Variants in FBXO46 observed in about 807,000 individuals in gnomAD.
FBXO46 encodes F-box protein 46.
FBXO46 carries 13 observed loss-of-function variants against 30.7 expected under a neutral mutation model. The ratio of observed to expected loss-of-function variants is 0.42; its 90% CI spans 0.28 to 0.67. The LOEUF is 0.67. Among genes scored for constraint, FBXO46 ranks in the 30% least tolerant of loss-of-function variants. The pLI, the probability that FBXO46 is intolerant of heterozygous loss-of-function variation, is 0.21. For missense variants in FBXO46, 754 were observed against 871.5 expected (o/e 0.87, Z 1.70); for synonymous variants, 467 against 385.8 (o/e 1.21, Z -2.47).
intron 1 of FBXO46, among the ~76,000 whole-genome samples, chr19:45,723,875 G>A (rs1211700342): frequency 6.6e-6 from 1 of 151,714 alleles, no homozygotes; most frequent in Non-Finnish European, 1.5e-5. Context: ...GGCCAGGCTG[G>A]TCTTGAACTC....
At chr19:45,717,635 A>G (rs922407035) in intron 1 of FBXO46, among the ~76,000 whole-genome samples, 2 of 152,146 alleles carry the variant, frequency 1.3e-5, no homozygotes, top group Non-Finnish European at 2.9e-5. Flanking sequence ...ACTCCAGGGG[A>G]GGCTTATTAC....
rs138069984 is a variant in FBXO46 at position 45,720,068 on chromosome 19, C to T, written c.-78-6495G>A. On this transcript the variant is annotated intron_variant, in intron 1 of 1. Transcript: ENST00000317683. ...CACCCAGGCTGGAGTGCAATCTCGC[C>T]TCAACGCAGCCTCAATCTCCTGGGC... Among the ~76,000 whole-genome samples the T allele has an allele frequency of 9.1e-4, 139 of 151,928 alleles. 1 individual carries two copies. Among genetic ancestry groups the T allele is most frequent in the Non-Finnish European group, 6.0e-4 (41 of 67,978 alleles).
chr19:45,732,866 C>A (rs1423282398), upstream of FBXO46, among the ~76,000 whole-genome samples: 2 of 151,964 alleles, frequency 1.3e-5, no homozygotes, highest in Non-Finnish European at 2.9e-5. Flanking sequence ...AGGCCCAATT[C>A]AAATGGCCCT....
At chr19:45,718,538 T>A (rs909804750) in intron 1 of FBXO46, among the ~76,000 whole-genome samples, 12 of 152,138 alleles carry the variant, frequency 7.9e-5, no homozygotes, top group Non-Finnish European at 1.8e-4. Flanking sequence ...GGTCTCTGCA[T>A]TTGCTGTTCC....
At position 45,712,242 on chromosome 19, in the gene FBXO46, C is replaced by G. The variant is rs760895770; in HGVS notation, c.1254G>C (p.Gly418=). Residue 418 remains glycine (G), a synonymous_variant, in exon 2 of 2, where the codon GGG becomes GGC. Transcript: ENST00000317683. This position sits in a 1 kb window ranked among gnomAD's most constrained non-coding sequence, Gnocchi z 8.8. ...LFFLQNRGPD[G]PPEPPPADSP... ...AGTCGGCCGGGGGTGGCTCCGGGGGCCCGTCCGGCCCGCGGTTCTGGAGAA... is the reference window on the plus strand; with the variant it reads ...AGTCGGCCGGGGGTGGCTCCGGGGGGCCGTCCGGCCCGCGGTTCTGGAGAA... 6.2e-7 allele frequency: 1 copy of G among 1,604,290 alleles called. No individual in the cohort carries two copies.
chr19:45,731,670 G>A (rs1968315242), upstream of FBXO46, among the ~76,000 whole-genome samples: 1 of 151,880 alleles, frequency 6.6e-6, no homozygotes, highest in African/African-American at 2.4e-5. Flanking sequence ...GCCTTAGGAG[G>A]AAGGAAAGTC....
Position 45,722,754 on chromosome 19 carries a change from T to TAGA in FBXO46, c.-79+8094_-79+8095insTCT, listed in dbSNP as rs1422514397. On this transcript the variant is annotated intron_variant, in intron 1 of 1. Transcript: ENST00000317683. ...TCCAGCCTGGGCGACAGAGCCAGAC[T>TAGA]CCGTCTCAAAAAAAAAAAAAAGTGG... is the stretch of plus-strand genomic sequence containing the variant. 7.9e-4 allele frequency among the ~76,000 whole-genome samples: 102 copies of TAGA among 129,244 alleles called. 3 individuals carry two copies. The highest frequency in any genetic ancestry group is 2.8e-3 in the African/African-American group (96 of 34,144). 84.8% of individuals were successfully genotyped at this position (129,244 alleles called of 152,430 possible).
chr19:45,711,644 G>T lies in FBXO46; in HGVS notation c.*40C>A, dbSNP rs527554862. 2.1e-6 allele frequency: 3 copies of T among 1,449,222 alleles called. No homozygotes were observed. The highest frequency in any genetic ancestry group is 4.9e-5 in the East Asian group (2 of 40,404). The allele number at this position is 1,449,222 out of a possible 1,614,324, so 89.8% of individuals were successfully genotyped here. On this transcript the variant is annotated 3_prime_UTR_variant, in exon 2 of 2. Transcript: ENST00000317683. ...CCTCGGCTCCCGGGGGGAGAGGGGA[G>T]GGGTGGGCGTGGTGGGCTCTCCCCT...
At chr19:45,726,861 G>A (rs2146162164) in intron 1 of FBXO46, among the ~76,000 whole-genome samples, 1 of 152,280 alleles carries the variant, frequency 6.6e-6, no homozygotes, top group Middle Eastern at 3.4e-3. Flanking sequence ...CTTATTGAGA[G>A]CATAATACAC....
chr19:45,728,501 T>TA (rs1234596449), intron 1 of FBXO46, among the ~76,000 whole-genome samples: 7 of 152,176 alleles, frequency 4.6e-5, no homozygotes, highest in African/African-American at 1.7e-4. Context: ...TTCCTAGGGT[T>TA]ACTGATCCCA....
intron 1 of FBXO46, among the ~76,000 whole-genome samples, chr19:45,725,897 G>A (rs2146161159): frequency 6.6e-6 from 1 of 152,068 alleles, no homozygotes; most frequent in South Asian, 2.1e-4. Flanking sequence ...TGTTTGAGAT[G>A]GTCTCGCTCT....
At chr19:45,714,116 C>T (rs1457524716) in intron 1 of FBXO46, among the ~76,000 whole-genome samples, 1 of 152,086 alleles carries the variant, frequency 6.6e-6, no homozygotes, top group Non-Finnish European at 1.5e-5. Flanking sequence ...TAGGTCCTAC[C>T]CCACTGTCCA....
upstream of FBXO46, among the ~76,000 whole-genome samples, chr19:45,733,098 A>G (rs1004987582): frequency 1.2e-4 from 19 of 152,254 alleles, no homozygotes; most frequent in Admixed American, 1.2e-3. The surrounding 1 kb of genome is among the most constrained non-coding windows in gnomAD (Gnocchi z 5.7). Context: ...GCCAGAAGGG[A>G]CACAGGCGAG....
upstream of FBXO46, among the ~76,000 whole-genome samples, chr19:45,731,893 T>G (rs1329900100): frequency 1.3e-5 from 2 of 151,330 alleles, no homozygotes; most frequent in East Asian, 2.0e-4. Flanking sequence ...CGAGGCGGGC[T>G]GATCACAAGG....
At chr19:45,716,000 C>G (rs989892814) in intron 1 of FBXO46, 4 of 152,024 alleles carry the variant, frequency 2.6e-5, no homozygotes, top group Non-Finnish European at 5.9e-5. Flanking sequence ...AAATATCACT[C>G]CACAGCCTCC....
intron 1 of FBXO46, among the ~76,000 whole-genome samples, chr19:45,722,761 C>CA (rs35706964): frequency 0.45 from 61,383 of 136,158 alleles, 13,568 homozygotes; most frequent in East Asian, 0.64. Flanking sequence ...GACTCCGTCT[C>CA]AAAAAAAAAA....
rs750535117 is a variant in FBXO46 at position 45,712,831 on chromosome 19, C to A, written c.665G>T (p.Gly222Val). The change falls in exon 2 of 2, where the codon GGG (glycine) becomes GTG (valine). Residue 222 changes from glycine (G) to valine (V), a missense_variant. By Grantham distance (109) the Gly-to-Val change is moderately radical. Around this residue, in one of 5 missense-constraint regions of FBXO46, gnomAD observed 454 missense variants for 426.5 expected, o/e 1.06. Transcript: ENST00000317683. The surrounding 1 kb of genome is among the most constrained non-coding windows in gnomAD (Gnocchi z 8.8). ...GVGSERRSGGGDCSRVAEAVA... is the reference protein window; with the variant it reads ...GVGSERRSGGVDCSRVAEAVA... ...GGCCTCGGCTACACGGCTGCAGTCC[C>A]CACCACCGGACCGCCGTTCAGATCC... 11 of 1,612,994 alleles carry A rather than the reference C, an allele frequency of 6.8e-6. No individual in the cohort carries two copies. Among genetic ancestry groups the A allele is most frequent in the Non-Finnish European group, 9.3e-6 (11 of 1,179,636 alleles).
Position 45,712,976 on chromosome 19 carries a change from C to T in FBXO46, c.520G>A (p.Glu174Lys), listed in dbSNP as rs372228121. The T allele has an allele frequency of 2.4e-5, 38 of 1,577,872 alleles. No individual in the cohort carries two copies. Among genetic ancestry groups the T allele is most frequent in the Non-Finnish European group, 3.0e-5 (35 of 1,161,310 alleles). Residue 174 changes from glutamate to lysine, a missense_variant, in exon 2 of 2, where the codon GAG becomes AAG. Physicochemically the swap from Glu to Lys is moderately conservative, Grantham distance 56. This residue lies in a region of FBXO46 where 454 missense variants were observed against 426.5 expected (regional missense o/e 1.06). Coordinates refer to ENST00000317683, the MANE Select transcript of FBXO46 (RefSeq NM_001080469.2). The surrounding 1 kb of genome is among the most constrained non-coding windows in gnomAD (Gnocchi z 8.8). ...CGCTGTTCCACCAGGGCCACCATCT[C>T]GGCCACAGAGAGCAGGTCCACGTCC... is the stretch of plus-strand genomic sequence containing the variant. ...GEDVDLLSVAEMVALVEQRAA... is the reference protein window; with the variant it reads ...GEDVDLLSVAKMVALVEQRAA...
intron 1 of FBXO46, among the ~76,000 whole-genome samples, chr19:45,729,725 A>G (rs1968283668): frequency 6.6e-6 from 1 of 152,214 alleles, no homozygotes; most frequent in African/African-American, 2.4e-5. Flanking sequence ...CAGGGGTGTT[A>G]TCAGAATTAA....
Sources: gnomAD v4.1 joint callset for allele counts (sites outside exome capture counted in the v4.1 genomes callset) on GRCh38, gnomAD v4.1.1 for gene constraint, gnomAD v4.1.1 regional missense constraint, Gnocchi (gnomAD v3.1) non-coding constraint, MANE v1.5 for transcripts, NCBI Gene and HGNC (gene_info 2026-07-23, HGNC 2026-07-21) for gene names.